SLC19A3: variants seen among roughly 807,000 people sequenced by gnomAD.
The protein encoded by SLC19A3 is thiamine transporter 2.
Under a neutral mutation model 40.2 loss-of-function variants are expected in SLC19A3, and 31 were observed. The ratio of observed to expected loss-of-function variants is 0.77; its 90% confidence interval spans 0.58 to 1.04. SLC19A3 has a LOEUF of 1.04. Among genes scored for constraint, SLC19A3 ranks in the 50% least tolerant of loss-of-function variants. The probability of loss-of-function intolerance (pLI) is 0.00; values close to 1 mark genes in which losing one functional copy is unlikely to be tolerated. For missense variants in SLC19A3, 592 were observed against 596.7 expected (o/e 0.99, Z 0.08); for synonymous variants, 212 against 227.5 (o/e 0.93, Z 0.61).
intron 4 of SLC19A3, among the ~76,000 whole-genome samples, chr2:227,691,522 T>C (rs779702721): frequency 6.6e-6 from 1 of 152,090 alleles, no homozygotes; most frequent in Non-Finnish European, 1.5e-5. Context: ...GGCAGGAGGA[T>C]CACTTGAGCC....
At chr2:227,701,360 G>T (rs574048435) in intron 2 of SLC19A3, 2 of 190,452 alleles carry the variant, frequency 1.1e-5, no homozygotes, top group African/African-American at 2.4e-5. Flanking sequence ...GGTGGCTCAC[G>T]CCTGTAATCC....
At chr2:227,693,161 T>G (rs1428851888) in intron 4 of SLC19A3, among the ~76,000 whole-genome samples, 1 of 152,080 alleles carries the variant, frequency 6.6e-6, no homozygotes, top group Admixed American at 6.5e-5. Context: ...CCTATTAAAA[T>G]GCCAAGGATA....
At chr2:227,691,939 T>C (rs573217653) in intron 4 of SLC19A3, among the ~76,000 whole-genome samples, 4 of 152,184 alleles carry the variant, frequency 2.6e-5, no homozygotes, top group Non-Finnish European at 4.4e-5. Context: ...GTGGCTACTA[T>C]GAGCAAGTAT....
chr2:227,711,458 A>C (rs1398989629), intron 1 of SLC19A3, among the ~76,000 whole-genome samples: 3 of 151,478 alleles, frequency 2.0e-5, no homozygotes, highest in African/African-American at 7.3e-5. Context: ...AAAATAATAA[A>C]ATAAAATAAA....
rs1695779031 is a variant in SLC19A3 at position 227,703,310 on chromosome 2, C to T, written c.-2-990G>A. On this transcript the variant is annotated intron_variant, in intron 1 of 5. Coordinates refer to ENST00000644224, the MANE Select transcript of SLC19A3 (RefSeq NM_025243.4). The surrounding 1 kb of genome is among the most constrained non-coding windows in gnomAD (Gnocchi z 4.7). The stretch of plus-strand genomic sequence containing the variant: ...AGCAAGTCTTACCTGGGTGGAATTC[C>T]AGGTATCCAGTGGGTGGGGAGCTTT... 6.6e-6 allele frequency among the ~76,000 whole-genome samples: 1 copy of T among 152,100 alleles called. No individual in the cohort carries two copies. Among genetic ancestry groups the T allele is most frequent in the South Asian group, 2.1e-4 (1 of 4,820 alleles).
Position 227,698,983 on chromosome 2 carries a change from C to T in SLC19A3, c.732G>A (p.Leu244=), listed in dbSNP as rs1354276192. 3 of 1,614,108 alleles carry T rather than the reference C, an allele frequency of 1.9e-6. No individual in the cohort carries two copies. In the African/African-American group the frequency reaches 4.0e-5, roughly 22 times the overall value. The change falls in exon 3 of 6, where the codon CTG becomes CTA. Residue 244 remains leucine (L), a synonymous_variant. Coordinates refer to ENST00000644224, the MANE Select transcript of SLC19A3 (RefSeq NM_025243.4). ...TCAGGCTGTTCAGCTGGCCCTTATTCAGCTTCCCTGAAGTGCTGAGTATTT... is the reference window on the plus strand; with the variant it reads ...TCAGGCTGTTCAGCTGGCCCTTATTTAGCTTCCCTGAAGTGCTGAGTATTT... ...TSEILSTSGK[L]NKGQLNSLKP...
rs746893138 is a variant in SLC19A3, at chr2:227,700,919, A to G, written c.150+1250T>C. ...AATCACTGAACGTACCCACCTTGAC[A>G]CCTGGATCACTGAGGTTGCTGGAGA... is the stretch of plus-strand genomic sequence containing the variant. On this transcript the variant is annotated intron_variant, in intron 2 of 5. Coordinates refer to ENST00000644224, the MANE Select transcript of SLC19A3 (RefSeq NM_025243.4). 10 of 1,299,008 alleles carry G rather than the reference A, an allele frequency of 7.7e-6. No individual in the cohort carries two copies. The African/African-American group carries it at 1.5e-4, about 20-fold the overall frequency. The allele number at this position is 1,299,008 out of a possible 1,614,324, so 80.5% of individuals were successfully genotyped here.
chr2:227,711,637 C>T (rs1007684580), intron 1 of SLC19A3, among the ~76,000 whole-genome samples: 2 of 151,516 alleles, frequency 1.3e-5, no homozygotes, highest in South Asian at 2.1e-4. Context: ...AACAGATCTT[C>T]GTTACCTAGG....
chr2:227,716,065 A>G (rs1696325360), intron 1 of SLC19A3, among the ~76,000 whole-genome samples: 2 of 152,254 alleles, frequency 1.3e-5, no homozygotes, highest in South Asian at 4.1e-4. Flanking sequence ...GATTAAATGC[A>G]CTGAGAGAAG....
chr2:227,690,829 C>CTAT (rs1695199329), intron 4 of SLC19A3, among the ~76,000 whole-genome samples: 1 of 150,436 alleles, frequency 6.6e-6, no homozygotes, highest in Non-Finnish European at 1.5e-5. Context: ...TAGTTGGAGA[C>CTAT]TTTAAAACCC....
chr2:227,708,820 T>A (rs10180741), intron 1 of SLC19A3, among the ~76,000 whole-genome samples: 44,920 of 151,470 alleles, frequency 0.3, 7,538 homozygotes, highest in East Asian at 0.81. Flanking sequence ...CAAAAAAAAA[T>A]TACTTCATTG....
chr2:227,709,180 G>A (rs1015303776), intron 1 of SLC19A3, among the ~76,000 whole-genome samples: 1 of 152,022 alleles, frequency 6.6e-6, no homozygotes, highest in African/African-American at 2.4e-5. Context: ...CTGTTAAAAA[G>A]CAAGAACTGC....
chr2:227,689,287 C>T (rs1388799230), intron 4 of SLC19A3, among the ~76,000 whole-genome samples: 5 of 152,024 alleles, frequency 3.3e-5, no homozygotes, highest in Non-Finnish European at 7.4e-5. Context: ...GCAGATTTAA[C>T]CCAAAGAAGA....
At chr2:227,706,080 A>C (rs1330727882) in intron 1 of SLC19A3, among the ~76,000 whole-genome samples, 1 of 151,980 alleles carries the variant, frequency 6.6e-6, no homozygotes, top group Non-Finnish European at 1.5e-5. Context: ...AAATGCACTA[A>C]ATATGAACAC....
chr2:227,695,498 A>AGGTTGAGGTTGGGGACTCACCTGAGCCT (rs1695389612), intron 4 of SLC19A3: 1 of 210,544 alleles, frequency 4.7e-6, no homozygotes, highest in Non-Finnish European at 9.6e-6. Context: ...GCTACTCAGG[A>AGGTTGAGGTTGGGGACTCACCTGAGCCT]GGTTGAGGTT....
intron 1 of SLC19A3, 139 bp downstream of exon 1, chr2:227,717,804 C>G (rs888786334): frequency 1.6e-6 from 1 of 620,722 alleles, no homozygotes; most frequent in African/African-American, 2.0e-5. Flanking sequence ...GCTCCTCACG[C>G]GGCTCAGAGT....
At chr2:227,697,825 C>T (rs1476028494) in intron 3 of SLC19A3, among the ~76,000 whole-genome samples, 2 of 152,090 alleles carry the variant, frequency 1.3e-5, no homozygotes, top group Non-Finnish European at 2.9e-5. Context: ...CGCCTGTAAT[C>T]CCAGCACTTT....
chr2:227,698,827 C>T lies in SLC19A3; in HGVS notation c.888G>A (p.Leu296=), dbSNP rs1297936742. The change falls in exon 3 of 6, where the codon TTG becomes TTA. Residue 296 remains leucine, a synonymous_variant. Coordinates refer to ENST00000644224, the MANE Select transcript of SLC19A3 (RefSeq NM_025243.4). ...AATCCCACAGGATTTGAACATAGTT[C>T]AAAACCTGGTTAAAACCTGCTGTGG... ...AFATAGFNQV[L]NYVQILWDYK... 6 of 1,614,164 alleles carry T rather than the reference C, an allele frequency of 3.7e-6. No individual in the cohort carries two copies. The highest frequency in any genetic ancestry group is 2.2e-5 in the East Asian group (1 of 44,882).
intron 4 of SLC19A3, among the ~76,000 whole-genome samples, chr2:227,690,740 A>AT (rs200408660): frequency 2.7e-5 from 4 of 150,018 alleles, no homozygotes; most frequent in African/African-American, 7.4e-5. Flanking sequence ...AAAATTGTAA[A>AT]TTTTTTTTAA....
Sources: allele counts gnomAD v4.1 joint callset (sites outside exome capture counted in the v4.1 genomes callset), GRCh38; gene constraint gnomAD v4.1.1; non-coding constraint Gnocchi (gnomAD v3.1); transcripts MANE v1.5; gene names NCBI Gene and HGNC (gene_info 2026-07-23, HGNC 2026-07-21).